GAPVD1: variants seen among roughly 807,000 people sequenced by gnomAD.
GAPVD1 encodes GTPase activating protein and VPS9 domains 1.
In GAPVD1, 35 loss-of-function variants were observed where a neutral mutation model predicts 155.5. The observed-to-expected ratio is 0.23, with a 90% CI of 0.17 to 0.30. The LOEUF (loss-of-function observed/expected upper bound fraction) is 0.30. Among genes scored for constraint, GAPVD1 ranks in the 10% least tolerant of loss-of-function variants. GAPVD1 has a pLI of 1.00. For missense variants in GAPVD1, 1,429 were observed against 1,775.7 expected (o/e 0.80, Z 3.51); for synonymous variants, 636 against 619.7 (o/e 1.03, Z -0.39).
chr9:125,268,088 C>G (rs1806144841), intron 1 of GAPVD1, among the ~76,000 whole-genome samples: 1 of 151,798 alleles, frequency 6.6e-6, no homozygotes, highest in South Asian at 2.1e-4. Flanking sequence ...CGCTTGAACC[C>G]AGGAGGCTGG....
Position 125,317,249 on chromosome 9 carries a change from C to T in GAPVD1, c.1603-4184C>T, listed in dbSNP as rs553011090. On this transcript the variant is annotated intron_variant, in intron 9 of 27. Coordinates refer to ENST00000297933, the MANE Select transcript of GAPVD1 (RefSeq NM_001282680.3). ...AGGAGAATCGCTTGAACCTGGGAGG[C>T]GGAGGTTGCAGTGAGCCAAGATTGC... 1.0e-4 allele frequency among the ~76,000 whole-genome samples: 15 copies of T among 148,950 alleles called. 1 individual carries two copies. Among genetic ancestry groups the T allele is most frequent in the South Asian group, 8.6e-4 (4 of 4,676 alleles).
intron 10 of GAPVD1, among the ~76,000 whole-genome samples, chr9:125,322,388 A>G (rs986537133): frequency 1.3e-5 from 2 of 151,784 alleles, no homozygotes; most frequent in Non-Finnish European, 2.9e-5. Context: ...ATTTAAAGAC[A>G]ATAGTTCAAA....
chr9:125,328,151 C>T (rs1004344120), intron 12 of GAPVD1, among the ~76,000 whole-genome samples: 13 of 138,598 alleles, frequency 9.4e-5, no homozygotes, highest in African/African-American at 3.5e-4. Flanking sequence ...ATGTTTAATA[C>T]TTTCGATTTG....
intron 5 of GAPVD1, 57 bp from the exon 6 acceptor site, chr9:125,305,006 G>C: frequency 3.7e-6 from 4 of 1,084,452 alleles, no homozygotes; most frequent in Non-Finnish European, 4.3e-6. Flanking sequence ...TCATAGAGAC[G>C]TATTTGTGAG....
At chr9:125,288,221 C>T (rs1255258139) in intron 2 of GAPVD1, among the ~76,000 whole-genome samples, 1 of 151,592 alleles carries the variant, frequency 6.6e-6, no homozygotes, top group Non-Finnish European at 1.5e-5. Context: ...AAGCGATTCT[C>T]CTGCCTCAGC....
In GAPVD1 at chr9:125,321,565, G is replaced by A. The variant is rs574793827; in HGVS notation, c.1732+3G>A. ...TAATCTGGAAGGAATATCTGAAGGT[G>A]AAGGGTTACTTCATTCAAGGAGTTG... On this transcript the variant is annotated splice_donor_region_variant and intron_variant, in intron 10 of 27. Coordinates refer to ENST00000297933, the MANE Select transcript of GAPVD1 (RefSeq NM_001282680.3). 15 of 1,611,846 alleles carry A rather than the reference G, an allele frequency of 9.3e-6. No individual in the cohort carries two copies. The highest frequency in any genetic ancestry group is 1.7e-5 in the Admixed American group (1 of 59,724).
chr9:125,362,484 G>T, intron 27 of GAPVD1, 122 bp from the exon 28 acceptor site: 2 of 767,714 alleles, frequency 2.6e-6, no homozygotes, highest in African/African-American at 1.8e-5. Flanking sequence ...AAATAACTTT[G>T]GGGTTGTTTT....
At position 125,279,847 on chromosome 9, in the gene GAPVD1, G is replaced by C. The variant is rs535574686; in HGVS notation, c.-150+10863G>C. Among the ~76,000 whole-genome samples, 14 of 150,244 alleles carry C rather than the reference G, an allele frequency of 9.3e-5. No individual in the cohort carries two copies. The South Asian group carries it at 2.9e-3, about 32-fold the overall frequency. On this transcript the variant is annotated intron_variant, in intron 2 of 27. Transcript: ENST00000297933. ...GAGATCTTGGCTCCCTGCAACCTAT[G>C]CTTCCTGAGTTCAAGCGATTCTTCT...
At chr9:125,305,579 C>T (rs1841650891) in intron 6 of GAPVD1, among the ~76,000 whole-genome samples, 1 of 152,152 alleles carries the variant, frequency 6.6e-6, no homozygotes, top group South Asian at 2.1e-4. Context: ...CCTTCTTGGC[C>T]AGGCTGGTCT....
At chr9:125,270,044 A>G (rs1170125350) in intron 2 of GAPVD1, among the ~76,000 whole-genome samples, 1 of 151,968 alleles carries the variant, frequency 6.6e-6, no homozygotes, top group Admixed American at 6.6e-5. Context: ...AGGAACTAGG[A>G]CCAATAATTT....
chr9:125,292,523 G>A (rs1335394738), intron 2 of GAPVD1, among the ~76,000 whole-genome samples: 1 of 151,996 alleles, frequency 6.6e-6, no homozygotes, highest in African/African-American at 2.4e-5. Context: ...CTCCTGAGTA[G>A]CTGGGATTAC....
chr9:125,351,321 C>T (rs536513845), intron 23 of GAPVD1, among the ~76,000 whole-genome samples: 2 of 152,188 alleles, frequency 1.3e-5, no homozygotes, highest in Admixed American at 6.5e-5. Context: ...AGATGAGATT[C>T]GGGTGGGGAC....
chr9:125,360,358 C>T (rs1248073954), intron 26 of GAPVD1, among the ~76,000 whole-genome samples, 170 bp from the exon 27 acceptor site: 2 of 152,106 alleles, frequency 1.3e-5, no homozygotes, highest in East Asian at 3.8e-4. Context: ...TTTAAAAGTT[C>T]TAAAGTTACA....
Position 125,296,377 on chromosome 9 carries a change from A to G in GAPVD1, c.-33+803A>G, listed in dbSNP as rs1433389448. On this transcript the variant is annotated intron_variant, in intron 3 of 27. Coordinates refer to ENST00000297933, the MANE Select transcript of GAPVD1 (RefSeq NM_001282680.3). ...TCTTAGGTTTTTTTTTTTTTTTGAGATGGAGTCTTACTCTGTCACCAGACT... is the reference window on the plus strand; with the variant it reads ...TCTTAGGTTTTTTTTTTTTTTTGAGGTGGAGTCTTACTCTGTCACCAGACT... Among the ~76,000 whole-genome samples, 4 of 32,218 alleles carry G rather than the reference A, an allele frequency of 1.2e-4. No homozygotes were observed. In the African/African-American group the frequency reaches 1.8e-3, roughly 14 times the overall value. The allele number at this position is 32,218 out of a possible 152,430, so 21.1% of individuals were successfully genotyped here.
intron 27 of GAPVD1, among the ~76,000 whole-genome samples, chr9:125,361,900 G>A (rs1850974309): frequency 6.6e-6 from 1 of 152,176 alleles, no homozygotes. Flanking sequence ...TAAAGTGTGT[G>A]TGACATATGT....
intron 2 of GAPVD1, among the ~76,000 whole-genome samples, chr9:125,272,915 C>T (rs907169241): frequency 2.6e-5 from 4 of 152,174 alleles, no homozygotes; most frequent in South Asian, 2.1e-4. Context: ...AGCTGAGGCT[C>T]AAAGTTCTCT....
chr9:125,303,559 C>G (rs1420221048), intron 5 of GAPVD1, among the ~76,000 whole-genome samples: 1 of 151,538 alleles, frequency 6.6e-6, no homozygotes, highest in Non-Finnish European at 1.5e-5. Context: ...GGCGGATCAC[C>G]TGATGTCCAG....
intron 11 of GAPVD1, among the ~76,000 whole-genome samples, chr9:125,325,019 A>G (rs925617804): frequency 4.6e-5 from 7 of 151,550 alleles, no homozygotes; most frequent in Non-Finnish European, 8.8e-5. Context: ...GAGGTCAGGA[A>G]TTTGAGACCA....
intron 19 of GAPVD1, chr9:125,345,983 C>T (rs1341597453): frequency 6.6e-6 from 1 of 152,164 alleles, no homozygotes; most frequent in Non-Finnish European, 1.5e-5. Flanking sequence ...CCTGCCTGGC[C>T]TAGGACTAAC....
Sources: gnomAD v4.1 joint callset for allele counts (sites outside exome capture counted in the v4.1 genomes callset) on GRCh38, gnomAD v4.1.1 for gene constraint, MANE v1.5 for transcripts, NCBI Gene and HGNC (gene_info 2026-07-23, HGNC 2026-07-21) for gene names.